TMEM212: variants seen among roughly 807,000 people sequenced by gnomAD.
TMEM212 encodes transmembrane protein 212.
TMEM212 carries 23 observed loss-of-function variants against 20.5 expected under a neutral mutation model. That is an observed-to-expected ratio of 1.12 (90% CI 0.81 to 1.59). The LOEUF is 1.59. TMEM212 is among the 40% of genes most tolerant of loss of function. The pLI, the probability that TMEM212 is intolerant of heterozygous loss-of-function variation, is 0.00. For missense variants in TMEM212, 211 were observed against 215.0 expected (o/e 0.98, Z 0.12); for synonymous variants, 76 against 81.6 (o/e 0.93, Z 0.37).
At chr3:171,846,174 T>C (rs773105264) in intron 1 of TMEM212, among the ~76,000 whole-genome samples, 2 of 152,200 alleles carry the variant, frequency 1.3e-5, no homozygotes, top group Non-Finnish European at 2.9e-5. Flanking sequence ...CCTCAGGGCC[T>C]TTGCACTACC....
chr3:171,848,874 G>C (rs931000870), intron 1 of TMEM212, among the ~76,000 whole-genome samples: 1 of 151,096 alleles, frequency 6.6e-6, no homozygotes, highest in African/African-American at 2.4e-5. Context: ...AGATGTCTAG[G>C]CCTCCCCGTA....
chr3:171,845,091 C>A (rs1724801996), intron 1 of TMEM212, among the ~76,000 whole-genome samples: 2 of 152,172 alleles, frequency 1.3e-5, no homozygotes, highest in Admixed American at 1.3e-4. Flanking sequence ...TTTTCTCCAA[C>A]ACCTACCTGA....
intron 2 of TMEM212, among the ~76,000 whole-genome samples, chr3:171,852,342 A>C (rs890547455): frequency 6.6e-6 from 1 of 152,094 alleles, no homozygotes; most frequent in Admixed American, 6.6e-5. Flanking sequence ...CTGGGACTAC[A>C]GGTGCACGCC....
Position 171,855,903 on chromosome 3 carries a change from C to T in TMEM212, c.544-760C>T, listed in dbSNP as rs370088076. ...TACATTTTTGGTAAAGTTTATGAAA[C>T]ACAAAGATGTTGATTTTGCTTTAAA... On this transcript the variant is annotated intron_variant, in intron 3 of 4. Transcript: ENST00000334567. Among the ~76,000 whole-genome samples, 28 of 152,138 alleles carry T rather than the reference C, an allele frequency of 1.8e-4. 1 individual carries two copies. Among genetic ancestry groups the T allele is most frequent in the African/African-American group, 6.7e-4 (28 of 41,516 alleles).
chr3:171,850,480 CAG>C (rs911482620), intron 1 of TMEM212, among the ~76,000 whole-genome samples: 124 of 152,358 alleles, frequency 8.1e-4, no homozygotes, highest in African/African-American at 2.9e-3. Context: ...GCTATCTACT[CAG>C]AGTTAAACCA....
chr3:171,854,272 TATATACC>T (rs1036512395), intron 3 of TMEM212, among the ~76,000 whole-genome samples: 9 of 152,032 alleles, frequency 5.9e-5, no homozygotes, highest in African/African-American at 1.7e-4. Flanking sequence ...ACCTTATATA[TATATACC>T]CTAAAGACTC....
At chr3:171,854,345 A>T (rs1210537084) in intron 3 of TMEM212, among the ~76,000 whole-genome samples, 1 of 152,228 alleles carries the variant, frequency 6.6e-6, no homozygotes, top group Non-Finnish European at 1.5e-5. Flanking sequence ...TGCAAGTTCA[A>T]CATACAAAAA....
At chr3:171,844,704 T>G (rs1227262149) in intron 1 of TMEM212, among the ~76,000 whole-genome samples, 1 of 152,132 alleles carries the variant, frequency 6.6e-6, no homozygotes, top group African/African-American at 2.4e-5. Context: ...AGACTCCATC[T>G]CAAAACAAAC....
intron 1 of TMEM212, among the ~76,000 whole-genome samples, chr3:171,851,570 T>C (rs1030280347): frequency 1.3e-5 from 2 of 152,132 alleles, no homozygotes; most frequent in African/African-American, 4.8e-5. Flanking sequence ...CGCCTCAGGG[T>C]TTTGTGACAA....
At chr3:171,845,771 A>T (rs936014801) in intron 1 of TMEM212, among the ~76,000 whole-genome samples, 3 of 152,192 alleles carry the variant, frequency 2.0e-5, no homozygotes, top group Non-Finnish European at 4.4e-5. Context: ...CAGGACCCTC[A>T]GCCAGCCAGT....
rs139496908 is a variant in TMEM212 at position 171,854,952 on chromosome 3, G to A, written c.543+1102G>A. On this transcript the variant is annotated intron_variant, in intron 3 of 4. Coordinates refer to ENST00000334567, the MANE Select transcript of TMEM212 (RefSeq NM_001164436.2). Reference sequence around the variant, plus strand: ...AATAGTCTATGTAAGTCATAATAACGTTAGTAAAAAGAAATTTTTTTTAAA... The same window carrying A: ...AATAGTCTATGTAAGTCATAATAACATTAGTAAAAAGAAATTTTTTTTAAA... 3.1e-3 allele frequency among the ~76,000 whole-genome samples: 465 copies of A among 152,164 alleles called. 7 individuals are homozygous for A. The highest frequency in any genetic ancestry group is 0.01 in the African/African-American group (431 of 41,528).
chr3:171,857,345 A>G (rs995679860), intron 4 of TMEM212, among the ~76,000 whole-genome samples: 1 of 152,192 alleles, frequency 6.6e-6, no homozygotes, highest in African/African-American at 2.4e-5. Flanking sequence ...ATCTACATGC[A>G]AAAGAATGAA....
chr3:171,856,591 T>G (rs143748949), intron 3 of TMEM212, 72 bp from the exon 4 acceptor site: 12,513 of 592,918 alleles, frequency 0.021, 206 homozygotes, highest in Non-Finnish European at 0.025. Flanking sequence ...TTTACATGGG[T>G]GCCCCTCCCA....
At chr3:171,847,045 C>T (rs895056363) in intron 1 of TMEM212, among the ~76,000 whole-genome samples, 3 of 152,164 alleles carry the variant, frequency 2.0e-5, no homozygotes, top group Non-Finnish European at 4.4e-5. Context: ...TCTCTAAGTA[C>T]TTCATATAGA....
At chr3:171,856,478 T>C (rs971149287) in intron 3 of TMEM212, among the ~76,000 whole-genome samples, 185 bp from the exon 4 acceptor site, 6 of 152,184 alleles carry the variant, frequency 3.9e-5, no homozygotes, top group Non-Finnish European at 5.9e-5. Flanking sequence ...ATATCCTTCA[T>C]ATGCAAGCCA....
In TMEM212 at chr3:171,843,527, C is replaced by A. The variant is rs1724761632; in HGVS notation, c.144C>A (p.Ile48=). The A allele has an allele frequency of 1.1e-5, 17 of 1,534,100 alleles. No homozygotes were observed. The highest frequency in any genetic ancestry group is 1.5e-5 in the Non-Finnish European group (17 of 1,145,428). ...GGAGTGTTCGAATTGCTTGTCCTAT[C>A]TGGAATGGAGCTTTGGTATGAAAAT... ...TGWSVRIACP[I]WNGALAITTG... is the part of the protein sequence containing the mutation. The change falls in exon 1 of 5, where the codon ATC becomes ATA. Residue 48 remains isoleucine, a synonymous_variant. Coordinates refer to ENST00000334567, the MANE Select transcript of TMEM212 (RefSeq NM_001164436.2).
chr3:171,845,773 C>A (rs1724817183), intron 1 of TMEM212, among the ~76,000 whole-genome samples: 1 of 152,098 alleles, frequency 6.6e-6, no homozygotes, highest in South Asian at 2.1e-4. Flanking sequence ...GGACCCTCAG[C>A]CAGCCAGTTC....
intron 4 of TMEM212, among the ~76,000 whole-genome samples, chr3:171,857,188 C>G (rs935687023): frequency 6.6e-6 from 1 of 151,716 alleles, no homozygotes; most frequent in Non-Finnish European, 1.5e-5. Flanking sequence ...AATAATGGTG[C>G]CCAAAAGAGT....
At position 171,856,524 on chromosome 3, in the gene TMEM212, C is replaced by T. The variant is rs776519171; in HGVS notation, c.544-139C>T. 3.0e-5 allele frequency: 14 copies of T among 472,782 alleles called. 1 individual carries two copies. Among genetic ancestry groups the T allele is most frequent in the Non-Finnish European group, 5.3e-5 (14 of 264,780 alleles). The allele number at this position is 472,782 out of a possible 1,614,324, so 29.3% of individuals were successfully genotyped here. On this transcript the variant is annotated intron_variant, in intron 3 of 4. Coordinates refer to ENST00000334567, the MANE Select transcript of TMEM212 (RefSeq NM_001164436.2). ...GCTTTATGATGACTGGGATATCCTC[C>T]CAACAAATACACCCATTAGCCAGGT...
Sources: gnomAD v4.1 joint callset for allele counts (sites outside exome capture counted in the v4.1 genomes callset) on GRCh38, gnomAD v4.1.1 for gene constraint, MANE v1.5 for transcripts, NCBI Gene and HGNC (gene_info 2026-07-23, HGNC 2026-07-21) for gene names.